CNTNAP4: variants seen among roughly 807,000 people sequenced by gnomAD.
The protein encoded by CNTNAP4 is contactin associated protein family member 4, also known as contactin-associated protein-like 4.
Under a neutral mutation model 148.4 loss-of-function variants are expected in CNTNAP4, and 98 were observed. The observed-to-expected ratio is 0.66, with a 90% CI of 0.56 to 0.78. The LOEUF is 0.78. Among genes scored for constraint, CNTNAP4 ranks in the 30% least tolerant of loss-of-function variants. The probability of loss-of-function intolerance (pLI) is 0.00; values close to 1 mark genes in which losing one functional copy is unlikely to be tolerated. For missense variants in CNTNAP4, 1,935 were observed against 1,565.6 expected, an observed-to-expected ratio of 1.24 and a Z score of -3.98; for synonymous variants, 730 against 565.1, an observed-to-expected ratio of 1.29 and a Z score of -4.14.
rs868720098 is a variant in CNTNAP4 at position 76,431,446 on chromosome 16, G to A, written c.538+3847G>A. ...TGTAATTCCAGGACTTTGGAAGGTG[G>A]AGGTGGGGGGTTACCTGAGGTCAGG... is the stretch of plus-strand genomic sequence containing the variant. On this transcript the variant is annotated intron_variant, in intron 4 of 23. Transcript: ENST00000611870. 2.0e-5 allele frequency among the ~76,000 whole-genome samples: 3 copies of A among 152,210 alleles called. No homozygotes were observed. In the South Asian group the frequency reaches 6.2e-4, roughly 32 times the overall value.
At chr16:76,502,131 A>T (rs1376814560) in intron 15 of CNTNAP4, among the ~76,000 whole-genome samples, 1 of 151,854 alleles carries the variant, frequency 6.6e-6, no homozygotes, top group African/African-American at 2.4e-5. Flanking sequence ...TTAATCTCTG[A>T]CTTATTAATT....
At chr16:76,453,912 A>G (rs992928932) in intron 8 of CNTNAP4, among the ~76,000 whole-genome samples, 11 of 152,122 alleles carry the variant, frequency 7.2e-5, no homozygotes, top group Admixed American at 3.9e-4. Flanking sequence ...AAATAAATTA[A>G]TGAGTCTCAT....
chr16:76,447,620 C>G (rs1214738189), intron 4 of CNTNAP4, among the ~76,000 whole-genome samples: 1 of 152,092 alleles, frequency 6.6e-6, no homozygotes, highest in East Asian at 1.9e-4. Flanking sequence ...GAAACCATGC[C>G]TCAAGTACCT....
chr16:76,299,954 A>G (rs1567622245), intron 1 of CNTNAP4, among the ~76,000 whole-genome samples: 1 of 151,736 alleles, frequency 6.6e-6, no homozygotes, highest in Non-Finnish European at 1.5e-5. Context: ...ACGAGAACAC[A>G]TGGACACAGG....
chr16:76,351,558 C>A (rs1408852729), intron 2 of CNTNAP4, among the ~76,000 whole-genome samples: 1 of 152,174 alleles, frequency 6.6e-6, no homozygotes, highest in Admixed American at 6.6e-5. Context: ...ATTTGGATTC[C>A]CTCTGGCCAA....
intron 22 of CNTNAP4, 27 bp from the exon 23 acceptor site, chr16:76,553,809 T>C (rs770940818): frequency 4.0e-6 from 6 of 1,494,574 alleles, no homozygotes; most frequent in Non-Finnish European, 5.6e-6. Flanking sequence ...TATATCACCT[T>C]CCCCCTTTGT....
At chr16:76,330,531 T>C (rs1567728898) in intron 2 of CNTNAP4, among the ~76,000 whole-genome samples, 1 of 152,220 alleles carries the variant, frequency 6.6e-6, no homozygotes, top group Non-Finnish European at 1.5e-5. Context: ...GCTAATATTC[T>C]GCAGTGGTTG....
chr16:76,412,099 G>T (rs1429894286), intron 3 of CNTNAP4, among the ~76,000 whole-genome samples: 6 of 151,350 alleles, frequency 4.0e-5, no homozygotes, highest in Non-Finnish European at 7.4e-5. Flanking sequence ...TCATGCTTAT[G>T]AAAAACACCC....
chr16:76,464,546 T>C (rs543353777), intron 9 of CNTNAP4, among the ~76,000 whole-genome samples: 1 of 152,294 alleles, frequency 6.6e-6, no homozygotes, highest in Non-Finnish European at 1.5e-5. Flanking sequence ...TTTTAGATAA[T>C]TCTTCAGCCA....
intron 21 of CNTNAP4, among the ~76,000 whole-genome samples, chr16:76,552,021 C>G (rs2084971838): frequency 6.6e-6 from 1 of 152,170 alleles, no homozygotes; most frequent in African/African-American, 2.4e-5. Flanking sequence ...AACACAGTTC[C>G]ACATGGCTGG....
rs1391550194 is a variant in CNTNAP4 at position 76,508,399 on chromosome 16, G to C, written c.2365+9705G>C. On this transcript the variant is annotated intron_variant, in intron 15 of 23. Transcript: ENST00000611870. ...TATGCCTGAAGTTGTAATAGTGAAAGTACTTTCAAATAAGAATATAATTTT... is the reference window on the plus strand; with the variant it reads ...TATGCCTGAAGTTGTAATAGTGAAACTACTTTCAAATAAGAATATAATTTT... Among the ~76,000 whole-genome samples, 2 of 96,780 alleles carry C rather than the reference G, an allele frequency of 2.1e-5. 1 individual carries two copies. Among genetic ancestry groups the C allele is most frequent in the Non-Finnish European group, 5.9e-5 (2 of 34,102 alleles). The allele number at this position is 96,780 out of a possible 152,430, so 63.5% of individuals were successfully genotyped here.
intron 1 of CNTNAP4, among the ~76,000 whole-genome samples, chr16:76,299,884 C>G (rs1032751943): frequency 6.6e-6 from 1 of 152,068 alleles, no homozygotes; most frequent in African/African-American, 2.4e-5. Flanking sequence ...TATCAGCAAA[C>G]TATCACAAGG....
chr16:76,500,039 C>G (rs1025592004), intron 15 of CNTNAP4, among the ~76,000 whole-genome samples: 1 of 152,166 alleles, frequency 6.6e-6, no homozygotes, highest in African/African-American at 2.4e-5. Context: ...AAACCGCCAT[C>G]GTCATCATGG....
At chr16:76,458,676 G>A (rs2080827096) in intron 8 of CNTNAP4, among the ~76,000 whole-genome samples, 1 of 152,158 alleles carries the variant, frequency 6.6e-6, no homozygotes, top group African/African-American at 2.4e-5. Flanking sequence ...GCAAGTGATA[G>A]GAGCAGCTGT....
intron 1 of CNTNAP4, among the ~76,000 whole-genome samples, chr16:76,284,286 C>T (rs1958798685): frequency 6.6e-6 from 1 of 151,794 alleles, no homozygotes; most frequent in Admixed American, 6.6e-5. Context: ...TGATTGTTTT[C>T]ATGGGTATTT....
chr16:76,317,045 C>G (rs1204159823), intron 2 of CNTNAP4, among the ~76,000 whole-genome samples: 1 of 151,888 alleles, frequency 6.6e-6, no homozygotes, highest in East Asian at 1.9e-4. Context: ...GTGGGAAGAT[C>G]ACTTGAAGTG....
intron 1 of CNTNAP4, among the ~76,000 whole-genome samples, chr16:76,281,039 T>C (rs1958667150): frequency 6.6e-6 from 1 of 152,136 alleles, no homozygotes; most frequent in South Asian, 2.1e-4. Flanking sequence ...CATCTCACTG[T>C]GTTCTTTCTT....
rs2012443260 is a variant in CNTNAP4, at chr16:76,355,342, T to A, written c.221T>A (p.Val74Glu). Residue 74 changes from valine (V) to glutamate (E), a missense_variant, in exon 3 of 24, where the codon GTG becomes GAG. By Grantham distance (121) the Val-to-Glu change is moderately radical. Transcript: ENST00000611870. Reference protein sequence around the residue: ...RDGAGGWSPLVSNKYQWLQID... With the variant: ...RDGAGGWSPLESNKYQWLQID... ...GGAGCTGGTGGCTGGTCTCCACTTG[T>A]GTCTAACAAATACCAGTGGTTGCAG... 2 of 1,587,250 alleles carry A rather than the reference T, an allele frequency of 1.3e-6. No individual in the cohort carries two copies. The highest frequency in any genetic ancestry group is 1.7e-6 in the Non-Finnish European group (2 of 1,167,480).
intron 12 of CNTNAP4, among the ~76,000 whole-genome samples, chr16:76,480,817 C>T (rs8057325): frequency 0.42 from 64,252 of 152,056 alleles, 13,577 homozygotes; most frequent in Admixed American, 0.44. Context: ...ATATTGATTC[C>T]GTGCAAACCT....
Sources: allele counts gnomAD v4.1 joint callset (sites outside exome capture counted in the v4.1 genomes callset), GRCh38; gene constraint gnomAD v4.1.1; transcripts MANE v1.5; gene names NCBI Gene and HGNC (gene_info 2026-07-23, HGNC 2026-07-21).